EPHB1: variants seen among roughly 807,000 people sequenced by gnomAD.
EPHB1 encodes EPH receptor B1, also known as ephrin type-B receptor 1.
In EPHB1, 30 loss-of-function variants were observed where a neutral mutation model predicts 94.4. That is an observed-to-expected ratio of 0.32 (90% CI 0.24 to 0.43). The LOEUF is 0.43. Among genes scored for constraint, EPHB1 ranks in the 20% least tolerant of loss-of-function variants. The pLI is 1.00. For synonymous variants in EPHB1, 522 were observed against 489.1 expected, an observed-to-expected ratio of 1.07 and a Z score of -0.89; for missense variants, 1,055 against 1,308.3, an observed-to-expected ratio of 0.81 and a Z score of 2.99.
At chr3:134,809,552 A>T (rs569830361) in intron 1 of EPHB1, among the ~76,000 whole-genome samples, 1 of 152,228 alleles carries the variant, frequency 6.6e-6, no homozygotes, top group Admixed American at 6.5e-5. Flanking sequence ...ATTCATTTGC[A>T]TTTCAATGGT....
At chr3:135,017,785 G>A (rs2107752493) in intron 3 of EPHB1, among the ~76,000 whole-genome samples, 1 of 152,312 alleles carries the variant, frequency 6.6e-6, no homozygotes, top group East Asian at 1.9e-4. Context: ...TTACTTAGAG[G>A]CTGAGTGTGT....
intron 3 of EPHB1, among the ~76,000 whole-genome samples, chr3:135,076,234 G>GATAGATATATATAT (rs1553729693): frequency 7.6e-6 from 1 of 131,172 alleles, no homozygotes; most frequent in African/African-American, 3.7e-5. Flanking sequence ...TCTGAAAAGG[G>GATAGATATATATAT]ATATATATAT....
chr3:135,048,788 C>T (rs2107770033), intron 3 of EPHB1, among the ~76,000 whole-genome samples: 1 of 152,350 alleles, frequency 6.6e-6, no homozygotes, highest in East Asian at 1.9e-4. Flanking sequence ...GTGTCTTCTG[C>T]TTCTTCCAGC....
At chr3:135,001,496 C>T (rs533180540) in intron 3 of EPHB1, among the ~76,000 whole-genome samples, 1 of 152,270 alleles carries the variant, frequency 6.6e-6, no homozygotes, top group South Asian at 2.1e-4. Context: ...AGATCATATG[C>T]CAATTTAAAG....
In EPHB1 at chr3:135,162,139, G is replaced by A. The variant is rs2107698292; in HGVS notation, c.1544G>A (p.Gly515Asp). ...QVRARTVAGY[G>D]KFSGKMCFQT... Reference sequence around the variant, plus strand: ...CGTGCCCGCACTGTTGCTGGCTACGGCAAGTTCAGTGGCAAGATGTGCTTC... The same window carrying A: ...CGTGCCCGCACTGTTGCTGGCTACGACAAGTTCAGTGGCAAGATGTGCTTC... Residue 515 changes from glycine to aspartate, a missense_variant, in exon 7 of 16, where the codon GGC (glycine) becomes GAC (aspartate). Physicochemically the swap from Gly to Asp is moderately conservative, Grantham distance 94. Transcript: ENST00000398015. 1 of 1,611,018 alleles carries A rather than the reference G, an allele frequency of 6.2e-7. No individual in the cohort carries two copies. The highest frequency in any genetic ancestry group is 2.2e-5 in the East Asian group (1 of 44,592).
At position 135,203,942 on chromosome 3, in the gene EPHB1, C is replaced by T. The variant is rs546179584; in HGVS notation, c.2346+2253C>T. On this transcript the variant is annotated intron_variant, in intron 12 of 15. Transcript: ENST00000398015. ...CCCTCACAAAGGGTTGCTGCTTCAACAATGAAAAATGATGCCTCATTTTTA... is the reference window on the plus strand; with the variant it reads ...CCCTCACAAAGGGTTGCTGCTTCAATAATGAAAAATGATGCCTCATTTTTA... 3.3e-5 allele frequency among the ~76,000 whole-genome samples: 5 copies of T among 152,234 alleles called. No homozygotes were observed. In the East Asian group the frequency reaches 9.6e-4, roughly 29 times the overall value.
intron 12 of EPHB1, among the ~76,000 whole-genome samples, chr3:135,235,749 G>C (rs542759349): frequency 6.6e-6 from 1 of 152,170 alleles, no homozygotes; most frequent in Admixed American, 6.5e-5. Flanking sequence ...TAGGCCTGGA[G>C]TGGCCATCTG....
chr3:134,850,451 G>A lies in EPHB1; in HGVS notation c.58+54762G>A, dbSNP rs116009219. 2.2e-3 allele frequency among the ~76,000 whole-genome samples: 331 copies of A among 152,324 alleles called. 2 individuals are homozygous for A. Among genetic ancestry groups the A allele is most frequent in the African/African-American group, 7.4e-3 (308 of 41,572 alleles). On this transcript the variant is annotated intron_variant, in intron 1 of 15. Coordinates refer to ENST00000398015, the MANE Select transcript of EPHB1 (RefSeq NM_004441.5). ...GAGAGCTTCTCTGAGAAAGAGGGAT[G>A]TTTCCAACCTTGCCCCCTGGGAATT... is the stretch of plus-strand genomic sequence containing the variant.
intron 2 of EPHB1, among the ~76,000 whole-genome samples, chr3:134,938,935 G>A (rs1296047623): frequency 1.3e-5 from 2 of 152,206 alleles, no homozygotes; most frequent in Non-Finnish European, 2.9e-5. Flanking sequence ...CTGGGGATCC[G>A]CATGATTATG....
At chr3:135,123,796 G>A (rs561438249) in intron 4 of EPHB1, among the ~76,000 whole-genome samples, 2 of 149,228 alleles carry the variant, frequency 1.3e-5, no homozygotes, top group Admixed American at 6.6e-5. Context: ...ATGTTACAAA[G>A]TATTCAGAAT....
chr3:135,048,444 A>G (rs1274319686), intron 3 of EPHB1, among the ~76,000 whole-genome samples: 1 of 150,608 alleles, frequency 6.6e-6, no homozygotes, highest in South Asian at 2.1e-4. Flanking sequence ...TGTTTTTTGT[A>G]ATTTTACTAG....
chr3:135,249,792 G>A (rs939862545), intron 15 of EPHB1, among the ~76,000 whole-genome samples: 1 of 152,176 alleles, frequency 6.6e-6, no homozygotes, highest in African/African-American at 2.4e-5. Context: ...ATCAAAGAGA[G>A]CATCCAGATG....
intron 3 of EPHB1, among the ~76,000 whole-genome samples, chr3:134,961,956 A>G (rs956562834): frequency 5.3e-5 from 8 of 152,330 alleles, no homozygotes; most frequent in Non-Finnish European, 1.5e-5. Context: ...TCTATATGCC[A>G]AGCACTTTTC....
chr3:134,861,822 G>A (rs2037266549), intron 1 of EPHB1, among the ~76,000 whole-genome samples: 1 of 152,084 alleles, frequency 6.6e-6, no homozygotes, highest in Non-Finnish European at 1.5e-5. Context: ...TATGGCACAC[G>A]TTGACCTATG....
chr3:134,942,587 G>T (rs1278521841), intron 2 of EPHB1, among the ~76,000 whole-genome samples: 1 of 152,226 alleles, frequency 6.6e-6, no homozygotes, highest in Non-Finnish European at 1.5e-5. Context: ...GTGCATCCCG[G>T]TTATTTATCA....
intron 1 of EPHB1, among the ~76,000 whole-genome samples, chr3:134,806,909 G>A (rs1468559960): frequency 6.6e-6 from 1 of 152,196 alleles, no homozygotes; most frequent in African/African-American, 2.4e-5. Context: ...TGAGAGTGAT[G>A]GGCGCAGGCT....
At chr3:135,101,342 A>G (rs7374822) in intron 3 of EPHB1, among the ~76,000 whole-genome samples, 81,282 of 151,072 alleles carry the variant, frequency 0.54, 22,400 homozygotes, top group East Asian at 0.77. Context: ...AACCATCACA[A>G]TAAACTGTTT....
intron 3 of EPHB1, 132 bp downstream of exon 3, chr3:134,952,184 C>A: frequency 1.1e-6 from 1 of 934,904 alleles, no homozygotes; most frequent in Non-Finnish European, 1.6e-6. Flanking sequence ...CTGAGGACTC[C>A]CATTCCTAGT....
At chr3:135,044,527 C>A (rs1323410142) in intron 3 of EPHB1, among the ~76,000 whole-genome samples, 1 of 152,222 alleles carries the variant, frequency 6.6e-6, no homozygotes, top group Non-Finnish European at 1.5e-5. Flanking sequence ...AATCCCAATT[C>A]TGCTTACTTA....
Sources: allele counts gnomAD v4.1 joint callset (sites outside exome capture counted in the v4.1 genomes callset), GRCh38; gene constraint gnomAD v4.1.1; transcripts MANE v1.5; gene names NCBI Gene and HGNC (gene_info 2026-07-23, HGNC 2026-07-21).